SUGCT: variants seen among roughly 807,000 people sequenced by gnomAD.
The protein encoded by SUGCT is succinyl-CoA:glutarate-CoA transferase, also known as succinyl-CoA:glutarate CoA-transferase.
Under a neutral mutation model 55.0 loss-of-function variants are expected in SUGCT, and 41 were observed. That is an observed-to-expected ratio of 0.74 (90% CI 0.58 to 0.97). The LOEUF (loss-of-function observed/expected upper bound fraction) is 0.97. Among genes scored for constraint, SUGCT ranks in the 50% least tolerant of loss-of-function variants. The pLI, the probability that SUGCT is intolerant of heterozygous loss-of-function variation, is 0.00. For synonymous variants in SUGCT, 187 were observed against 200.4 expected, an observed-to-expected ratio of 0.93 and a Z score of 0.56; for missense variants, 568 against 547.8, an observed-to-expected ratio of 1.04 and a Z score of -0.37.
At chr7:40,631,397 A>G (rs2151809765) in intron 12 of SUGCT, among the ~76,000 whole-genome samples, 1 of 152,300 alleles carries the variant, frequency 6.6e-6, no homozygotes, top group Non-Finnish European at 1.5e-5. Context: ...ACCATGTGAC[A>G]TTTGTTTTTC....
intron 11 of SUGCT, among the ~76,000 whole-genome samples, chr7:40,494,288 T>G (rs1429074016): frequency 6.6e-6 from 1 of 152,188 alleles, no homozygotes; most frequent in East Asian, 1.9e-4. Context: ...CTTAAGTAAT[T>G]GACACCCTAT....
the SUGCT span, among the ~76,000 whole-genome samples, chr7:40,946,100 A>T: frequency 0.36 from 50,197 of 139,968 alleles, 8,775 homozygotes; most frequent in African/African-American, 0.46. Context: ...CTGAGGTCAC[A>T]TACAAGTTTT....
At chr7:40,770,385 C>T (rs1584413193) in intron 13 of SUGCT, among the ~76,000 whole-genome samples, 1 of 152,226 alleles carries the variant, frequency 6.6e-6, no homozygotes, top group East Asian at 1.9e-4. Context: ...AATCAGGCTC[C>T]TTTTAGCTCA....
chr7:40,913,589 A>C, the SUGCT span, among the ~76,000 whole-genome samples: 1 of 152,202 alleles, frequency 6.6e-6, no homozygotes, highest in Non-Finnish European at 1.5e-5. Context: ...GCTGCCTACC[A>C]AATAATCTCA....
chr7:40,518,034 T>G (rs1793341291), intron 12 of SUGCT, among the ~76,000 whole-genome samples: 1 of 152,170 alleles, frequency 6.6e-6, no homozygotes, highest in Non-Finnish European at 1.5e-5. Flanking sequence ...CAAGAGAATT[T>G]GGCGGGAGAT....
chr7:40,770,971 T>G (rs1789069746), intron 13 of SUGCT, among the ~76,000 whole-genome samples: 1 of 152,156 alleles, frequency 6.6e-6, no homozygotes, highest in Non-Finnish European at 1.5e-5. Flanking sequence ...TAAAATGTAT[T>G]TATAGTGAAT....
At chr7:40,736,330 A>G (rs982242962) in intron 12 of SUGCT, among the ~76,000 whole-genome samples, 1 of 147,888 alleles carries the variant, frequency 6.8e-6, no homozygotes, top group African/African-American at 2.5e-5. Flanking sequence ...CATTATATAT[A>G]CATTTATGTG....
intron 3 of SUGCT, among the ~76,000 whole-genome samples, chr7:40,184,367 C>T (rs1276936110): frequency 1.3e-5 from 2 of 152,058 alleles, no homozygotes; most frequent in Non-Finnish European, 2.9e-5. Context: ...GCGGCCTTGA[C>T]CTCCCGGGCT....
At chr7:40,655,763 A>G (rs1800989282) in intron 12 of SUGCT, among the ~76,000 whole-genome samples, 2 of 152,224 alleles carry the variant, frequency 1.3e-5, no homozygotes, top group South Asian at 4.1e-4. Context: ...GCCAGGAGAT[A>G]CATTTCAAGA....
intron 12 of SUGCT, chr7:40,683,929 C>A (rs1463304177): frequency 5.9e-6 from 8 of 1,354,668 alleles, no homozygotes; most frequent in Admixed American, 2.2e-5. Context: ...AAGGTGCTGG[C>A]AGATGTATTC....
intron 9 of SUGCT, among the ~76,000 whole-genome samples, chr7:40,374,187 T>G (rs902296127): frequency 6.6e-6 from 1 of 152,166 alleles, no homozygotes; most frequent in Non-Finnish European, 1.5e-5. Context: ...GGAATATTAA[T>G]GTAGCCTTGA....
chr7:40,285,742 G>A lies in SUGCT; in HGVS notation c.720+11086G>A, dbSNP rs80000963. ...TTAGTTCTTCACAGAATGGGTATGA[G>A]GTATAACGGTGAGTACTTTTTTAAT... On this transcript the variant is annotated intron_variant, in intron 8 of 13. Coordinates refer to ENST00000335693, the MANE Select transcript of SUGCT (RefSeq NM_001193313.2). Among the ~76,000 whole-genome samples, 18 of 152,228 alleles carry A rather than the reference G, an allele frequency of 1.2e-4. No individual in the cohort carries two copies. In the East Asian group the frequency reaches 3.3e-3, roughly 28 times the overall value.
At chr7:40,390,930 A>T (rs1785393192) in intron 9 of SUGCT, among the ~76,000 whole-genome samples, 1 of 152,244 alleles carries the variant, frequency 6.6e-6, no homozygotes, top group Admixed American at 6.5e-5. Flanking sequence ...TGGTACCAAG[A>T]CAGAGATGTA....
chr7:40,637,463 G>A (rs112105241), intron 12 of SUGCT, among the ~76,000 whole-genome samples: 2 of 152,330 alleles, frequency 1.3e-5, no homozygotes, highest in African/African-American at 4.8e-5. Flanking sequence ...GATAGGAAAC[G>A]GGGAGGACCC....
the SUGCT span, among the ~76,000 whole-genome samples, chr7:40,982,895 C>T: frequency 2.0e-5 from 3 of 152,118 alleles, no homozygotes; most frequent in Non-Finnish European, 4.4e-5. Flanking sequence ...GCAACCTGCC[C>T]ACCTCAGCCT....
At chr7:41,013,006 ACT>A in the SUGCT span, among the ~76,000 whole-genome samples, 2 of 119,026 alleles carry the variant, frequency 1.7e-5, no homozygotes, top group African/African-American at 6.2e-5. Context: ...AAGTGAGGAA[ACT>A]CTGATTTAAA....
chr7:40,630,522 G>T (rs1033195386), intron 12 of SUGCT, among the ~76,000 whole-genome samples: 1 of 152,080 alleles, frequency 6.6e-6, no homozygotes. Flanking sequence ...TTAAAAAAAA[G>T]ATTTTGCCTG....
intron 12 of SUGCT, among the ~76,000 whole-genome samples, chr7:40,569,759 A>T (rs868483395): frequency 2.0e-5 from 3 of 152,226 alleles, no homozygotes; most frequent in South Asian, 4.1e-4. Context: ...CAATATAAAA[A>T]GCAATTAGAC....
At chr7:40,548,838 A>G (rs1195987483) in intron 12 of SUGCT, among the ~76,000 whole-genome samples, 1 of 152,102 alleles carries the variant, frequency 6.6e-6, no homozygotes, top group Non-Finnish European at 1.5e-5. Flanking sequence ...CTTCCTATTC[A>G]TCCTTTCCTA....
Sources: gnomAD v4.1 joint callset for allele counts (sites outside exome capture counted in the v4.1 genomes callset) on GRCh38, gnomAD v4.1.1 for gene constraint, MANE v1.5 for transcripts, NCBI Gene and HGNC (gene_info 2026-07-23, HGNC 2026-07-21) for gene names.